Variants in MIS18A observed in about 807,000 individuals in gnomAD.
MIS18A encodes the protein MIS18 kinetochore protein A.
A neutral mutation model predicts 25.0 loss-of-function variants in MIS18A; 14 were observed. That is an observed-to-expected ratio of 0.56 (90% CI 0.37 to 0.88). The LOEUF (loss-of-function observed/expected upper bound fraction) is 0.88, where lower values mean the gene tolerates loss of function less well. Among genes scored for constraint, MIS18A ranks in the 40% least tolerant of loss-of-function variants. The pLI, the probability that MIS18A is intolerant of heterozygous loss-of-function variation, is 0.00. For synonymous variants in MIS18A, 134 were observed against 118.6 expected (o/e 1.13, Z -0.84); for missense variants, 292 against 290.8 (o/e 1.00, Z -0.03).
the MIS18A span, among the ~76,000 whole-genome samples, chr21:32,219,252 T>G: frequency 6.6e-6 from 1 of 152,162 alleles, no homozygotes; most frequent in Non-Finnish European, 1.5e-5. Context: ...AGGCAGATGA[T>G]TTCTGCATTT....
the MIS18A span, among the ~76,000 whole-genome samples, chr21:32,238,418 G>A: frequency 6.6e-6 from 1 of 152,072 alleles, no homozygotes; most frequent in Admixed American, 6.6e-5. Flanking sequence ...CCTACAGCAG[G>A]GGATGAGACA....
chr21:32,265,674 T>G (rs935656897), downstream of MIS18A, among the ~76,000 whole-genome samples: 2 of 152,154 alleles, frequency 1.3e-5, no homozygotes, highest in Non-Finnish European at 2.9e-5. Flanking sequence ...CCCTGCTCCA[T>G]GGCGCCCAGT....
chr21:32,192,733 A>G, the MIS18A span, among the ~76,000 whole-genome samples: 1 of 152,120 alleles, frequency 6.6e-6, no homozygotes, highest in East Asian at 1.9e-4. Flanking sequence ...GGTGCCTCCA[A>G]ACTCCTCCTT....
the MIS18A span, among the ~76,000 whole-genome samples, chr21:32,244,087 C>T: frequency 2.0e-5 from 3 of 152,150 alleles, no homozygotes; most frequent in Non-Finnish European, 2.9e-5. Context: ...TAAAAAGGTA[C>T]GACCTAGTGA....
At chr21:32,233,286 T>C in the MIS18A span, among the ~76,000 whole-genome samples, 1 of 152,356 alleles carries the variant, frequency 6.6e-6, no homozygotes, top group Middle Eastern at 3.4e-3. Context: ...GCAGTTGTTT[T>C]TAACCAAGGT....
the MIS18A span, among the ~76,000 whole-genome samples, chr21:32,222,891 C>T: frequency 6.9e-6 from 1 of 144,356 alleles, no homozygotes; most frequent in Non-Finnish European, 1.5e-5. Flanking sequence ...GCTGAGATTG[C>T]GCTACTGCAC....
chr21:32,222,476 C>T, the MIS18A span, among the ~76,000 whole-genome samples: 3 of 152,214 alleles, frequency 2.0e-5, no homozygotes, highest in Non-Finnish European at 4.4e-5. Context: ...CACACCAAAT[C>T]AACAGAATAT....
At chr21:32,221,870 C>G in the MIS18A span, among the ~76,000 whole-genome samples, 1 of 151,380 alleles carries the variant, frequency 6.6e-6, no homozygotes, top group African/African-American at 2.4e-5. Context: ...CCAGCCTGGA[C>G]AACAAGCAAG....
chr21:32,180,012 G>T, the MIS18A span, among the ~76,000 whole-genome samples: 1 of 152,204 alleles, frequency 6.6e-6, no homozygotes, highest in Admixed American at 6.5e-5. Flanking sequence ...CCACAATAGA[G>T]CGGACACAGC....
At position 32,278,986 on chromosome 21, in the gene MIS18A, C is replaced by T. The variant is rs140429846; in HGVS notation, c.29G>A (p.Ser10Asn). Residue 10 changes from serine to asparagine, a missense_variant, in exon 1 of 5, where the codon AGC becomes AAC. Physicochemically the swap from Ser to Asn is conservative, Grantham distance 46. Coordinates refer to ENST00000290130, the MANE Select transcript of MIS18A (RefSeq NM_018944.3). MAGVRSLRC[S>N]RGCAGGCECG... ...CTCACAGCCGCCAGCGCATCCTCTGCTACACCTCAGTGACCGAACGCCTGC... is the reference window on the plus strand; with the variant it reads ...CTCACAGCCGCCAGCGCATCCTCTGTTACACCTCAGTGACCGAACGCCTGC... The T allele has an allele frequency of 1.9e-6, 3 of 1,609,294 alleles. No homozygotes were observed. Among genetic ancestry groups the T allele is most frequent in the Non-Finnish European group, 2.5e-6 (3 of 1,179,144 alleles).
the MIS18A span, among the ~76,000 whole-genome samples, chr21:32,257,549 C>T: frequency 6.6e-6 from 1 of 152,184 alleles, no homozygotes; most frequent in Admixed American, 6.5e-5. Context: ...TTAGATGAGC[C>T]TCTATCAGCT....
the MIS18A span, among the ~76,000 whole-genome samples, chr21:32,233,795 T>G: frequency 1.3e-5 from 2 of 152,190 alleles, no homozygotes; most frequent in African/African-American, 4.8e-5. Flanking sequence ...GCTCCCACTC[T>G]GCCCCTGGCC....
At chr21:32,273,115 CTTTTTTTTT>C (rs879786505) in intron 2 of MIS18A, among the ~76,000 whole-genome samples, 2 of 134,430 alleles carry the variant, frequency 1.5e-5, no homozygotes. Context: ...AACTTTTTTT[CTTTTTTTTT>C]TTTTTTCACT....
the MIS18A span, among the ~76,000 whole-genome samples, chr21:32,201,493 T>C: frequency 6.6e-6 from 1 of 152,172 alleles, no homozygotes; most frequent in South Asian, 2.1e-4. Context: ...TCCCCAGTTG[T>C]CCCCCAAGGC....
At chr21:32,239,623 G>A in the MIS18A span, among the ~76,000 whole-genome samples, 5 of 152,148 alleles carry the variant, frequency 3.3e-5, no homozygotes, top group East Asian at 3.8e-4. Flanking sequence ...GAGCCGCCTC[G>A]GAAGAAAAAT....
the MIS18A span, among the ~76,000 whole-genome samples, chr21:32,223,048 C>A: frequency 3.2e-4 from 48 of 151,426 alleles, no homozygotes; most frequent in African/African-American, 1.2e-3. Flanking sequence ...ACAAAATTAA[C>A]GCAGATATAA....
chr21:32,264,227 G>A (rs1231870165), downstream of MIS18A, among the ~76,000 whole-genome samples: 2 of 152,066 alleles, frequency 1.3e-5, no homozygotes, highest in Non-Finnish European at 1.5e-5. Flanking sequence ...AAAATGACTA[G>A]AAGGATATAC....
chr21:32,278,412 T>C (rs2031858644), intron 1 of MIS18A: 1 of 477,184 alleles, frequency 2.1e-6, no homozygotes, highest in Middle Eastern at 5.4e-4. Flanking sequence ...TTGTCGCCCT[T>C]TGTTTCTGAG....
downstream of MIS18A, among the ~76,000 whole-genome samples, chr21:32,264,103 C>T (rs1407445125): frequency 6.6e-6 from 1 of 151,932 alleles, no homozygotes; most frequent in East Asian, 1.9e-4. Context: ...GGTTCTCATC[C>T]TAGGTGATCA....
Sources: allele counts gnomAD v4.1 joint callset (sites outside exome capture counted in the v4.1 genomes callset), GRCh38; gene constraint gnomAD v4.1.1; transcripts MANE v1.5; gene names NCBI Gene and HGNC (gene_info 2026-07-23, HGNC 2026-07-21).